The following SLC7A10 variants were observed in gnomAD, a reference collection of about 807,000 sequenced individuals.
SLC7A10 encodes solute carrier family 7 member 10, also known as asc-type amino acid transporter 1.
A neutral mutation model predicts 52.7 loss-of-function variants in SLC7A10; 30 were observed. The ratio of observed to expected loss-of-function variants is 0.57; its 90% CI spans 0.43 to 0.77. SLC7A10 has a LOEUF of 0.77. Among genes scored for constraint, SLC7A10 ranks in the 30% least tolerant of loss-of-function variants. The probability of loss-of-function intolerance (pLI) is 0.00; values close to 1 mark genes in which losing one functional copy is unlikely to be tolerated. For synonymous variants in SLC7A10, 318 were observed against 314.9 expected, an observed-to-expected ratio of 1.01 and a Z score of -0.10; for missense variants, 581 against 698.5, an observed-to-expected ratio of 0.83 and a Z score of 1.90.
intron 1 of SLC7A10, among the ~76,000 whole-genome samples, chr19:33,222,894 G>C (rs1353087809): frequency 1.3e-5 from 2 of 152,200 alleles, no homozygotes; most frequent in African/African-American, 4.8e-5. Context: ...TCAATTCCCA[G>C]TCTGAGCTGG....
chr19:33,214,104 G>T (rs1974617986), intron 2 of SLC7A10, among the ~76,000 whole-genome samples: 1 of 152,130 alleles, frequency 6.6e-6, no homozygotes, highest in Non-Finnish European at 1.5e-5. Flanking sequence ...CAGGGATGAG[G>T]TCCTGGCCCT....
rs150485772 is a variant in SLC7A10, at chr19:33,209,060, G to A, written c.1442-39C>T. On this transcript the variant is annotated intron_variant, in intron 10 of 10. Transcript: ENST00000253188. The stretch of plus-strand genomic sequence containing the variant: ...GATGGACCTTGGGGCCTGACCTCTC[G>A]GGATAGGGGTGACCCCCAGCTCCGG... The A allele has an allele frequency of 3.5e-4, 556 of 1,611,528 alleles. 1 individual carries two copies. Among genetic ancestry groups the A allele is most frequent in the Middle Eastern group, 5.7e-4 (3 of 5,218 alleles).
intron 5 of SLC7A10, 132 bp downstream of exon 5, chr19:33,212,160 T>C: frequency 7.4e-7 from 1 of 1,345,986 alleles, no homozygotes; most frequent in Non-Finnish European, 1.0e-6. Context: ...AGGGCCATTT[T>C]TGCAGGGCAA....
chr19:33,209,233 T>G (rs1974482062), intron 10 of SLC7A10, 75 bp downstream of exon 10: 1 of 1,592,786 alleles, frequency 6.3e-7, no homozygotes, highest in Non-Finnish European at 8.6e-7. Flanking sequence ...TGCTCTGGGG[T>G]GAGCCTCTAA....
chr19:33,222,464 T>TAAATAAAATA (rs1162922007), intron 1 of SLC7A10, among the ~76,000 whole-genome samples: 46 of 106,520 alleles, frequency 4.3e-4, no homozygotes, highest in Admixed American at 1.2e-3. Context: ...TAAAATAAAA[T>TAAATAAAATA]AAATAAAATA....
intron 1 of SLC7A10, among the ~76,000 whole-genome samples, chr19:33,222,798 C>T (rs1374535521): frequency 6.6e-6 from 1 of 151,984 alleles, no homozygotes; most frequent in African/African-American, 2.4e-5. Flanking sequence ...TTGCAGTGGC[C>T]GGCGGGCACT....
intron 5 of SLC7A10, 55 bp from the exon 6 acceptor site, chr19:33,211,592 CG>C (rs1974556208): frequency 6.2e-7 from 1 of 1,612,718 alleles, no homozygotes; most frequent in Non-Finnish European, 8.5e-7. Flanking sequence ...GCAGGACCCC[CG>C]AGACCCAGCC....
intron 1 of SLC7A10, among the ~76,000 whole-genome samples, chr19:33,224,282 C>A (rs1974876347): frequency 1.3e-5 from 2 of 152,176 alleles, no homozygotes; most frequent in African/African-American, 4.8e-5. Context: ...ATCCCTGGAA[C>A]CAGCCCTTCC....
intron 1 of SLC7A10, among the ~76,000 whole-genome samples, chr19:33,216,610 C>A (rs1974689824): frequency 6.6e-6 from 1 of 151,964 alleles, no homozygotes; most frequent in Non-Finnish European, 1.5e-5. Context: ...CCTTTCCTTT[C>A]TCCTTTCCTT....
chr19:33,213,261 C>G (rs1190329545), intron 2 of SLC7A10, among the ~76,000 whole-genome samples: 1 of 151,930 alleles, frequency 6.6e-6, no homozygotes, highest in Non-Finnish European at 1.5e-5. Flanking sequence ...CTGGGAACAA[C>G]ATAGGCACCA....
In SLC7A10 at chr19:33,211,205, C is replaced by A. The variant is rs746643304; in HGVS notation, c.1016+20G>T. The A allele has an allele frequency of 5.8e-5, 93 of 1,609,590 alleles. No individual in the cohort carries two copies. Among genetic ancestry groups the A allele is most frequent in the Non-Finnish European group, 7.8e-5 (92 of 1,176,254 alleles). On this transcript the variant is annotated intron_variant, in intron 7 of 10. Coordinates refer to ENST00000253188, the MANE Select transcript of SLC7A10 (RefSeq NM_019849.3). ...CCCCAGCCTTCCCTCCCCATGCCCA[C>A]GTCTCCCCAGTGCAGTCACCTGGAG...
chr19:33,208,785 T>G lies in SLC7A10; in HGVS notation c.*106A>C. 6.6e-7 allele frequency: 1 copy of G among 1,504,506 alleles called. No homozygotes were observed. Among genetic ancestry groups the G allele is most frequent in the Non-Finnish European group, 9.1e-7 (1 of 1,094,882 alleles). 93.2% of individuals were successfully genotyped at this position (1,504,506 alleles called of 1,614,324 possible). On this transcript the variant is annotated 3_prime_UTR_variant, in exon 11 of 11. Transcript: ENST00000253188. This position sits in a 1 kb window ranked among gnomAD's most constrained non-coding sequence, Gnocchi z 4.7. ...AACAGGCTTCTGAGAGTCGTATCTT[T>G]TTTCTTTTTTTTCCAGAAAAAAACA...
At position 33,212,349 on chromosome 19, in the gene SLC7A10, G is replaced by A. The variant is rs373841060; in HGVS notation, c.731C>T (p.Ala244Val). Residue 244 changes from alanine to valine, a missense_variant, in exon 5 of 11, where the codon GCC (alanine) becomes GTC (valine). Ala to Val is a moderately conservative substitution (Grantham distance 64). Coordinates refer to ENST00000253188, the MANE Select transcript of SLC7A10 (RefSeq NM_019849.3). Reference sequence around the variant, plus strand: ...GTTGAGGAAGTTCCAGCCACTGAAGGCGAAGGAGCCCTGGAGGAAGGCCAG... The same window carrying A: ...GTTGAGGAAGTTCCAGCCACTGAAGACGAAGGAGCCCTGGAGGAAGGCCAG... ...LALAFLQGSF[A>V]FSGWNFLNYV... is the part of the protein sequence containing the mutation. 3.7e-6 allele frequency: 6 copies of A among 1,613,662 alleles called. No homozygotes were observed. The African/African-American group carries it at 8.0e-5, about 22-fold the overall frequency.
At chr19:33,223,105 C>T (rs1206129072) in intron 1 of SLC7A10, among the ~76,000 whole-genome samples, 2 of 151,812 alleles carry the variant, frequency 1.3e-5, no homozygotes, top group East Asian at 3.9e-4. Context: ...GTTAGGAGTT[C>T]GAGACCAGCC....
At position 33,212,369 on chromosome 19, in the gene SLC7A10, G is replaced by A. The variant is rs1409882287; in HGVS notation, c.711C>T (p.Ala237=). Residue 237 remains alanine, a synonymous_variant, in exon 5 of 11, where the codon GCC becomes GCT. Coordinates refer to ENST00000253188, the MANE Select transcript of SLC7A10 (RefSeq NM_019849.3). ...TGAAGGCGAAGGAGCCCTGGAGGAA[G>A]GCCAGGGCCAGGTGTCCCACGGAGG... ...MTPSVGHLAL[A]FLQGSFAFSG... 1 of 1,613,754 alleles carries A rather than the reference G, an allele frequency of 6.2e-7. No homozygotes were observed. The highest frequency in any genetic ancestry group is 8.5e-7 in the Non-Finnish European group (1 of 1,180,052).
At chr19:33,225,495 G>C in intron 1 of SLC7A10, 58 bp downstream of exon 1, 2 of 1,583,216 alleles carry the variant, frequency 1.3e-6, no homozygotes, top group Non-Finnish European at 1.7e-6. Context: ...CTCGTTCGGA[G>C]CGGCTGCGCC....
intron 1 of SLC7A10, among the ~76,000 whole-genome samples, chr19:33,223,272 C>T (rs1974850345): frequency 7.0e-6 from 1 of 142,020 alleles, no homozygotes; most frequent in Non-Finnish European, 1.5e-5. Flanking sequence ...TGTGCCACTG[C>T]ACTCCAGCCT....
chr19:33,212,138 G>A (rs1440470622), intron 5 of SLC7A10, 154 bp downstream of exon 5: 16 of 1,087,406 alleles, frequency 1.5e-5, no homozygotes, highest in Middle Eastern at 5.7e-4. Context: ...CAAGCCCCCC[G>A]GCTTTCTTCC....
chr19:33,213,156 C>G (rs1178020004), intron 2 of SLC7A10, among the ~76,000 whole-genome samples, 154 bp from the exon 3 acceptor site: 2 of 152,208 alleles, frequency 1.3e-5, no homozygotes, highest in Admixed American at 1.3e-4. Flanking sequence ...GCAGGGTTGA[C>G]CTTGTTGAGG....
Sources: gnomAD v4.1 joint callset for allele counts (sites outside exome capture counted in the v4.1 genomes callset) on GRCh38, gnomAD v4.1.1 for gene constraint, Gnocchi (gnomAD v3.1) non-coding constraint, MANE v1.5 for transcripts, NCBI Gene and HGNC (gene_info 2026-07-23, HGNC 2026-07-21) for gene names.